Variants in RYR2 observed in about 807,000 individuals in gnomAD.
RYR2 encodes ryanodine receptor 2.
A neutral mutation model predicts 601.1 loss-of-function variants in RYR2; 227 were observed. The ratio of observed to expected loss-of-function variants is 0.38; its 90% CI spans 0.34 to 0.42. The LOEUF is 0.42. Among genes scored for constraint, RYR2 ranks in the 10% least tolerant of loss-of-function variants. The pLI, the probability that RYR2 is intolerant of heterozygous loss-of-function variation, is 1.00. For missense variants in RYR2, 4,646 were observed against 6,156.5 expected (o/e 0.75, Z 8.21); for synonymous variants, 2,223 against 2,175.1 (o/e 1.02, Z -0.61).
chr1:237,497,779 T>A (rs1011574824), intron 20 of RYR2, among the ~76,000 whole-genome samples: 2 of 152,238 alleles, frequency 1.3e-5, no homozygotes, highest in Non-Finnish European at 2.9e-5. Flanking sequence ...CTAACAATGA[T>A]ACTTACTGAA....
intron 77 of RYR2, among the ~76,000 whole-genome samples, chr1:237,731,605 T>C (rs1690684636): frequency 6.6e-6 from 1 of 152,148 alleles, no homozygotes; most frequent in Non-Finnish European, 1.5e-5. Context: ...GCAGCAAATA[T>C]ACTTTGAGTT....
In RYR2 at chr1:237,614,963, G is replaced by A. The variant is rs2148599677; in HGVS notation, c.5715+120G>A. On this transcript the variant is annotated intron_variant, in intron 37 of 104. Coordinates refer to ENST00000366574, the MANE Select transcript of RYR2 (RefSeq NM_001035.3). The surrounding 1 kb of genome is among the most constrained non-coding windows in gnomAD (Gnocchi z 4.3). ...TTCTTTGCATTCCTGTGTAATGGTA[G>A]TTCTTCATAAAATTAACTAACTTCC... is the stretch of plus-strand genomic sequence containing the variant. 2 of 1,020,594 alleles carry A rather than the reference G, an allele frequency of 2.0e-6. No homozygotes were observed. Among genetic ancestry groups the A allele is most frequent in the South Asian group, 4.1e-5 (2 of 49,324 alleles). 63.2% of individuals were successfully genotyped at this position (1,020,594 alleles called of 1,614,324 possible). A position where few individuals can be genotyped will look rare whatever the true frequency, so the allele number is the denominator to read the frequency against.
At chr1:237,457,016 T>C (rs1432036018) in intron 16 of RYR2, among the ~76,000 whole-genome samples, 2 of 152,226 alleles carry the variant, frequency 1.3e-5, no homozygotes, top group Non-Finnish European at 2.9e-5. Flanking sequence ...TTTAATTTAC[T>C]GTGCCAAATC....
intron 16 of RYR2, among the ~76,000 whole-genome samples, chr1:237,466,112 A>G (rs1042336025): frequency 1.3e-5 from 2 of 152,150 alleles, no homozygotes; most frequent in Non-Finnish European, 1.5e-5. Flanking sequence ...ATATCTTGAG[A>G]CCATTTTACC....
rs371560909 is a variant in RYR2 at position 237,640,942 on chromosome 1, G to A, written c.7161G>A (p.Ala2387=). 2.3e-4 allele frequency: 372 copies of A among 1,613,674 alleles called. 2 individuals carry two copies. The African/African-American group carries it at 4.4e-3, about 19-fold the overall frequency. ...ATGACACTATCCACATGGGGAACGCGATCATGACCTTCTATTCAGCTTTGA... is the reference window on the plus strand; with the variant it reads ...ATGACACTATCCACATGGGGAACGCAATCATGACCTTCTATTCAGCTTTGA... ...EEDDTIHMGN[A]IMTFYSALID... Residue 2387 remains alanine, a synonymous_variant, in exon 47 of 105, where the codon GCG becomes GCA. Coordinates refer to ENST00000366574, the MANE Select transcript of RYR2 (RefSeq NM_001035.3).
chr1:237,577,426 A>G (rs985192286), intron 29 of RYR2, among the ~76,000 whole-genome samples: 2 of 151,956 alleles, frequency 1.3e-5, no homozygotes, highest in Non-Finnish European at 2.9e-5. Flanking sequence ...TGAGGAGATT[A>G]ATTAACCTGG....
Position 237,450,148 on chromosome 1 carries a change from A to C in RYR2, c.1293-4243A>C, listed in dbSNP as rs77518139. 6.7e-3 allele frequency among the ~76,000 whole-genome samples: 1,019 copies of C among 152,164 alleles called. 2 individuals carry two copies. The highest frequency in any genetic ancestry group is 0.011 in the Non-Finnish European group (766 of 67,996). On this transcript the variant is annotated intron_variant, in intron 14 of 104. Coordinates refer to ENST00000366574, the MANE Select transcript of RYR2 (RefSeq NM_001035.3). ...GTGAGGGCCAGTTGCTGTTCCCTCT[A>C]ATCCTTTCAGGTGATTCTGTTCCCT...
At chr1:237,710,729 G>C (rs1048960209) in intron 70 of RYR2, among the ~76,000 whole-genome samples, 3 of 31,518 alleles carry the variant, frequency 9.5e-5, no homozygotes, top group African/African-American at 2.2e-4. Flanking sequence ...TGCATGCCCG[G>C]TGACAGGTGG....
At chr1:237,529,649 T>G (rs2147931763) in intron 24 of RYR2, among the ~76,000 whole-genome samples, 1 of 152,130 alleles carries the variant, frequency 6.6e-6, no homozygotes, top group South Asian at 2.1e-4. Context: ...CGTTATTTCT[T>G]ACTCTATCAA....
chr1:237,683,258 T>C lies in RYR2; in HGVS notation c.9017+2681T>C, dbSNP rs138933100. ...ATAGTTGTGTGGGTTTGAGTTAACT[T>C]TTCCACAATTAAAACCAATGTTTCC... On this transcript the variant is annotated intron_variant, in intron 62 of 104. Coordinates refer to ENST00000366574, the MANE Select transcript of RYR2 (RefSeq NM_001035.3). Among the ~76,000 whole-genome samples, 484 of 152,342 alleles carry C rather than the reference T, an allele frequency of 3.2e-3. 3 individuals carry two copies. The highest frequency in any genetic ancestry group is 6.8e-3 in the Middle Eastern group (2 of 294).
chr1:237,051,590 G>A (rs1021448430), intron 1 of RYR2, among the ~76,000 whole-genome samples: 8 of 152,084 alleles, frequency 5.3e-5, no homozygotes, highest in Non-Finnish European at 7.3e-5. Context: ...TTTCTAGTCA[G>A]GAGATCAGAG....
intron 101 of RYR2, among the ~76,000 whole-genome samples, chr1:237,822,477 G>A (rs756316706): frequency 2.0e-5 from 3 of 151,520 alleles, no homozygotes; most frequent in Non-Finnish European, 2.9e-5. Context: ...ACAAGCAAAT[G>A]CTGAGAGATT....
At position 237,787,935 on chromosome 1, in the gene RYR2, G is replaced by A. The variant is rs115371687; in HGVS notation, c.13329-53G>A. Reference sequence around the variant, plus strand: ...ACTTGGGTAATTTTCCACAACACCCGTTTAGTTCTTTAGTTTCTGGAGAGC... The same window carrying A: ...ACTTGGGTAATTTTCCACAACACCCATTTAGTTCTTTAGTTTCTGGAGAGC... On this transcript the variant is annotated intron_variant, in intron 91 of 104. Coordinates refer to ENST00000366574, the MANE Select transcript of RYR2 (RefSeq NM_001035.3). The A allele has an allele frequency of 1.8e-3, 2,758 of 1,529,244 alleles. 30 individuals carry two copies. In the African/African-American group the frequency reaches 0.029, roughly 16 times the overall value. The allele number at this position is 1,529,244 out of a possible 1,614,324, so 94.7% of individuals were successfully genotyped here. A position where few individuals can be genotyped will look rare whatever the true frequency, so the allele number is the denominator to read the frequency against.
chr1:237,308,287 T>A (rs1244626542), intron 2 of RYR2, among the ~76,000 whole-genome samples: 1 of 152,292 alleles, frequency 6.6e-6, no homozygotes, highest in East Asian at 1.9e-4. Flanking sequence ...AGAACACATC[T>A]CCCCATATAT....
intron 73 of RYR2, among the ~76,000 whole-genome samples, chr1:237,720,858 T>C (rs1689660133): frequency 6.6e-6 from 1 of 152,134 alleles, no homozygotes; most frequent in African/African-American, 2.4e-5. Flanking sequence ...ATTCTAAAGG[T>C]CACTTGTAAG....
At chr1:237,139,512 C>T (rs1437385789) in intron 1 of RYR2, among the ~76,000 whole-genome samples, 1 of 152,106 alleles carries the variant, frequency 6.6e-6, no homozygotes, top group South Asian at 2.1e-4. Flanking sequence ...TATCTCAAGC[C>T]ATTATTTAAA....
chr1:237,268,478 T>G (rs1177882860), intron 1 of RYR2, among the ~76,000 whole-genome samples: 3 of 152,226 alleles, frequency 2.0e-5, no homozygotes, highest in Admixed American at 2.0e-4. Context: ...GGAATAATGC[T>G]ATTTTTTTAG....
At chr1:237,086,414 A>G (rs948770860) in intron 1 of RYR2, among the ~76,000 whole-genome samples, 1 of 152,130 alleles carries the variant, frequency 6.6e-6, no homozygotes, top group Admixed American at 6.5e-5. Context: ...AAATACAGTC[A>G]CATTAGAGCT....
In RYR2 at chr1:237,185,330, C is replaced by T. The variant is rs148919109; in HGVS notation, c.49-85167C>T. On this transcript the variant is annotated intron_variant, in intron 1 of 104. Coordinates refer to ENST00000366574, the MANE Select transcript of RYR2 (RefSeq NM_001035.3). ...GCCCTTTATACCAAAACTTCCTGAG[C>T]AGCACTATTTTACAGGCAGTGTTAA... Among the ~76,000 whole-genome samples the T allele has an allele frequency of 6.6e-5, 10 of 152,280 alleles. No individual in the cohort carries two copies. The East Asian group carries it at 1.5e-3, about 24-fold the overall frequency.
Sources: gnomAD v4.1 joint callset for allele counts (sites outside exome capture counted in the v4.1 genomes callset) on GRCh38, gnomAD v4.1.1 for gene constraint, Gnocchi (gnomAD v3.1) non-coding constraint, MANE v1.5 for transcripts, NCBI Gene and HGNC (gene_info 2026-07-23, HGNC 2026-07-21) for gene names.